GUCY1A1: variants seen among roughly 807,000 people sequenced by gnomAD.
The protein encoded by GUCY1A1 is guanylate cyclase 1 soluble subunit alpha 1, also known as guanylate cyclase soluble subunit alpha-1.
In GUCY1A1, 48 loss-of-function variants were observed where a neutral mutation model predicts 64.5. That is an observed-to-expected ratio of 0.74 (90% CI 0.59 to 0.95). The LOEUF (loss-of-function observed/expected upper bound fraction) is 0.95, where lower values mean the gene tolerates loss of function less well. GUCY1A1 is among the 40% of genes least tolerant of loss of function. The pLI, the probability that GUCY1A1 is intolerant of heterozygous loss-of-function variation, is 0.00. For missense variants in GUCY1A1, 804 were observed against 825.3 expected, an observed-to-expected ratio of 0.97 and a Z score of 0.32; for synonymous variants, 308 against 303.4, an observed-to-expected ratio of 1.02 and a Z score of -0.16.
chr4:155,730,743 G>A lies in GUCY1A1; in HGVS notation c.*512G>A, dbSNP rs902463648. ...GTTAGTATATGTTTGAATATAGGCT[G>A]ACTTTTTTTCTCTATTGCACTTTCT... On this transcript the variant is annotated 3_prime_UTR_variant, in exon 10 of 10. Transcript: ENST00000506455. The A allele has an allele frequency of 1.3e-5, 2 of 153,278 alleles. No homozygotes were observed. The highest frequency in any genetic ancestry group is 4.8e-5 in the African/African-American group (2 of 41,380). 9.5% of individuals were successfully genotyped at this position (153,278 alleles called of 1,614,324 possible).
At chr4:155,668,803 C>T (rs1733728862) in intron 2 of GUCY1A1, among the ~76,000 whole-genome samples, 2 of 152,134 alleles carry the variant, frequency 1.3e-5, no homozygotes, top group African/African-American at 2.4e-5. Flanking sequence ...GAAAGTTATA[C>T]ATATAAGCTT....
At chr4:155,678,173 A>G (rs1219244327) in intron 2 of GUCY1A1, among the ~76,000 whole-genome samples, 1 of 152,180 alleles carries the variant, frequency 6.6e-6, no homozygotes, top group Non-Finnish European at 1.5e-5. Flanking sequence ...TATAAATTCC[A>G]TTAGAATGAT....
In GUCY1A1 at chr4:155,733,291, T is replaced by C. The variant is rs962675408; in HGVS notation, c.*3060T>C. 2.0e-5 allele frequency among the ~76,000 whole-genome samples: 3 copies of C among 151,462 alleles called. No homozygotes were observed. Among genetic ancestry groups the C allele is most frequent in the Non-Finnish European group, 4.4e-5 (3 of 67,806 alleles). On this transcript the variant is annotated 3_prime_UTR_variant, in exon 10 of 10. Coordinates refer to ENST00000506455, the MANE Select transcript of GUCY1A1 (RefSeq NM_001130682.3). ...CTCAGTTCTTAGAGAAGTCTTTTGGTCTTAGAGTTCATCAAGCAGAGAAGG... is the reference window on the plus strand; with the variant it reads ...CTCAGTTCTTAGAGAAGTCTTTTGGCCTTAGAGTTCATCAAGCAGAGAAGG...
intron 5 of GUCY1A1, among the ~76,000 whole-genome samples, chr4:155,709,984 A>G (rs972557944): frequency 6.6e-6 from 1 of 152,264 alleles, no homozygotes; most frequent in Admixed American, 6.5e-5. Flanking sequence ...AAAATGCTAT[A>G]GAAAGTAAAT....
rs188596725 is a variant in GUCY1A1 at position 155,690,745 on chromosome 4, C to T, written c.-112-6011C>T. On this transcript the variant is annotated intron_variant, in intron 2 of 9. Coordinates refer to ENST00000506455, the MANE Select transcript of GUCY1A1 (RefSeq NM_001130682.3). ...AGATCTCTGATTTACATTCCCAGAG[C>T]ACTATATCCCTCCCCTTTTTGCAGC... 6.6e-5 allele frequency among the ~76,000 whole-genome samples: 10 copies of T among 152,254 alleles called. No individual in the cohort carries two copies. In the East Asian group the frequency reaches 9.7e-4, roughly 15 times the overall value.
intron 2 of GUCY1A1, among the ~76,000 whole-genome samples, chr4:155,690,641 A>G (rs1037137547): frequency 2.6e-5 from 4 of 152,174 alleles, no homozygotes; most frequent in African/African-American, 9.7e-5. Flanking sequence ...TTCCTAGAAC[A>G]TTGGCTCCCA....
rs1735949087 is a variant in GUCY1A1, at chr4:155,735,295, G to T, written c.*5064G>T. 1 of 151,680 alleles carries T rather than the reference G, an allele frequency of 6.6e-6. No homozygotes were observed. Among genetic ancestry groups the T allele is most frequent in the African/African-American group, 2.4e-5 (1 of 41,312 alleles). The allele number at this position is 151,680 out of a possible 1,614,324, so 9.4% of individuals were successfully genotyped here. ...GTAGCAAAAGTTTTATCAATGTGTA[G>T]ATTTCAATCAGAAAAACCTAAGCAA... is the stretch of plus-strand genomic sequence containing the variant. On this transcript the variant is annotated 3_prime_UTR_variant, in exon 10 of 10. Coordinates refer to ENST00000506455, the MANE Select transcript of GUCY1A1 (RefSeq NM_001130682.3).
At position 155,710,714 on chromosome 4, in the gene GUCY1A1, C is replaced by T; in HGVS notation, c.549C>T (p.Gly183=). 2 of 1,614,070 alleles carry T rather than the reference C, an allele frequency of 1.2e-6. No individual in the cohort carries two copies. Among genetic ancestry groups the T allele is most frequent in the South Asian group, 1.1e-5 (1 of 91,080 alleles). The part of the protein sequence containing the change: ...SSHCQEAGKR[G]RLEDASILCL... ...ATTGCCAAGAAGCAGGAAAAAGGGGCAGGCTTGAGGACGCCTCCATTCTAT... is the reference window on the plus strand; with the variant it reads ...ATTGCCAAGAAGCAGGAAAAAGGGGTAGGCTTGAGGACGCCTCCATTCTAT... Residue 183 remains glycine (G), a synonymous_variant, in exon 6 of 10, where the codon GGC becomes GGT. Coordinates refer to ENST00000506455, the MANE Select transcript of GUCY1A1 (RefSeq NM_001130682.3).
At chr4:155,674,705 A>C (rs1734651048) in intron 2 of GUCY1A1, among the ~76,000 whole-genome samples, 1 of 151,568 alleles carries the variant, frequency 6.6e-6, no homozygotes, top group Non-Finnish European at 1.5e-5. Context: ...CAAGCATGGA[A>C]CAGTCCTCGC....
At chr4:155,688,828 AG>A (rs1729356728) in intron 2 of GUCY1A1, among the ~76,000 whole-genome samples, 1 of 152,144 alleles carries the variant, frequency 6.6e-6, no homozygotes, top group South Asian at 2.1e-4. Context: ...AAAATATAAA[AG>A]TTTAGTTAAA....
chr4:155,691,968 C>A (rs190056636), intron 2 of GUCY1A1, among the ~76,000 whole-genome samples: 1 of 152,052 alleles, frequency 6.6e-6, no homozygotes. Context: ...CCAAAAGGCC[C>A]CAGTGAGTGT....
At position 155,727,471 on chromosome 4, in the gene GUCY1A1, C is replaced by A. The variant is rs1268584652; in HGVS notation, c.1872-2559C>A. Among the ~76,000 whole-genome samples the A allele has an allele frequency of 2.6e-5, 4 of 151,820 alleles. No homozygotes were observed. The East Asian group carries it at 5.8e-4, about 22-fold the overall frequency. ...AAATTCAAATGATGCACTTTAAAGC[C>A]ACTTCTAAAGGCTGAATATATGTAT... On this transcript the variant is annotated intron_variant, in intron 9 of 9. Transcript: ENST00000506455.
chr4:155,671,450 A>T (rs1339719045), intron 2 of GUCY1A1, among the ~76,000 whole-genome samples: 1 of 152,134 alleles, frequency 6.6e-6, no homozygotes, highest in Non-Finnish European at 1.5e-5. Context: ...AGCTTGGAGG[A>T]TACTTTGTGC....
intron 2 of GUCY1A1, among the ~76,000 whole-genome samples, chr4:155,671,786 T>C (rs1734175818): frequency 6.6e-6 from 1 of 152,152 alleles, no homozygotes; most frequent in Non-Finnish European, 1.5e-5. Flanking sequence ...CTTTTACATC[T>C]AACAACTCTT....
chr4:155,671,077 G>C (rs1449093792), intron 2 of GUCY1A1, among the ~76,000 whole-genome samples: 1 of 152,046 alleles, frequency 6.6e-6, no homozygotes, highest in East Asian at 1.9e-4. Context: ...ATAGTGCTTG[G>C]TGCATAGTAG....
intron 2 of GUCY1A1, among the ~76,000 whole-genome samples, chr4:155,685,553 T>C (rs1728867314): frequency 6.7e-6 from 1 of 150,178 alleles, no homozygotes; most frequent in African/African-American, 2.4e-5. Context: ...CCGCAGCTCC[T>C]CCACCGCCTG....
intron 7 of GUCY1A1, among the ~76,000 whole-genome samples, chr4:155,716,889 A>G (rs1163032974): frequency 6.6e-6 from 1 of 152,154 alleles, no homozygotes; most frequent in Non-Finnish European, 1.5e-5. Context: ...TGATATGATG[A>G]GTCAGTGTGC....
At chr4:155,684,691 C>T (rs968694211) in intron 2 of GUCY1A1, among the ~76,000 whole-genome samples, 1 of 152,100 alleles carries the variant, frequency 6.6e-6, no homozygotes, top group African/African-American at 2.4e-5. Flanking sequence ...CAAAGTTTAT[C>T]CCTTGGCTTT....
At chr4:155,669,060 T>G (rs927834212) in intron 2 of GUCY1A1, among the ~76,000 whole-genome samples, 5 of 152,170 alleles carry the variant, frequency 3.3e-5, no homozygotes, top group African/African-American at 9.7e-5. Flanking sequence ...AACAACAGGC[T>G]GTCTACATAC....
Sources: allele counts gnomAD v4.1 joint callset (sites outside exome capture counted in the v4.1 genomes callset), GRCh38; gene constraint gnomAD v4.1.1; transcripts MANE v1.5; gene names NCBI Gene and HGNC (gene_info 2026-07-23, HGNC 2026-07-21).